C8orf34: variants seen among roughly 807,000 people sequenced by gnomAD.
C8orf34 encodes uncharacterized protein C8orf34.
Under a neutral mutation model 68.3 loss-of-function variants are expected in C8orf34, and 65 were observed. The ratio of observed to expected loss-of-function variants is 0.95; its 90% confidence interval spans 0.78 to 1.17. The LOEUF (loss-of-function observed/expected upper bound fraction) is 1.17. Among genes scored for constraint, C8orf34 ranks in the 50% most tolerant of loss-of-function variants. The pLI is 0.00. For synonymous variants in C8orf34, 244 were observed against 241.2 expected (o/e 1.01, Z -0.11); for missense variants, 664 against 655.4 (o/e 1.01, Z -0.14).
At chr8:68,747,926 A>G (rs1822560652) in intron 10 of C8orf34, among the ~76,000 whole-genome samples, 1 of 152,160 alleles carries the variant, frequency 6.6e-6, no homozygotes. Context: ...CCGCATCGCC[A>G]AGTCAATCCT....
At chr8:68,386,206 C>G (rs901896524) in intron 1 of C8orf34, among the ~76,000 whole-genome samples, 2 of 152,106 alleles carry the variant, frequency 1.3e-5, no homozygotes, top group African/African-American at 4.8e-5. Context: ...CCATACCCGG[C>G]CTATTTATTT....
intron 8 of C8orf34, among the ~76,000 whole-genome samples, chr8:68,645,521 G>A (rs1563582610): frequency 6.6e-6 from 1 of 152,092 alleles, no homozygotes; most frequent in South Asian, 2.1e-4. Flanking sequence ...GGATTTCTGT[G>A]TTCAGTGAAA....
intron 8 of C8orf34, among the ~76,000 whole-genome samples, chr8:68,642,787 G>C (rs1290723419): frequency 6.6e-6 from 1 of 152,160 alleles, no homozygotes; most frequent in Non-Finnish European, 1.5e-5. Flanking sequence ...TTTGGCACCA[G>C]GGACTGGTTT....
intron 5 of C8orf34, among the ~76,000 whole-genome samples, chr8:68,515,640 A>G (rs2129633683): frequency 6.6e-6 from 1 of 152,306 alleles, no homozygotes; most frequent in South Asian, 2.1e-4. Context: ...AAATAAAAGC[A>G]ATTTTCTCCT....
At chr8:68,777,161 G>A (rs34283177) in intron 11 of C8orf34, among the ~76,000 whole-genome samples, 38,998 of 152,128 alleles carry the variant, frequency 0.26, 5,209 homozygotes, top group Middle Eastern at 0.39. Context: ...CGCCTAAAAG[G>A]ATTTTGTGGT....
chr8:68,503,767 A>G (rs376145233), intron 5 of C8orf34, among the ~76,000 whole-genome samples: 1 of 151,590 alleles, frequency 6.6e-6, no homozygotes, highest in Non-Finnish European at 1.5e-5. Context: ...CTAGTACTTC[A>G]TAGACATGGA....
chr8:68,789,525 C>A (rs1461923531), intron 12 of C8orf34, among the ~76,000 whole-genome samples: 1 of 152,078 alleles, frequency 6.6e-6, no homozygotes, highest in African/African-American at 2.4e-5. Context: ...TTTCTTCAAC[C>A]CTTGTCACCT....
chr8:68,330,893 C>G, upstream of C8orf34: 1 of 853,414 alleles, frequency 1.2e-6, no homozygotes, highest in Non-Finnish European at 1.7e-6. Flanking sequence ...GCTCGCCTCC[C>G]GCCCCCTGAT....
intron 3 of C8orf34, among the ~76,000 whole-genome samples, chr8:68,454,703 G>A (rs1377827296): frequency 6.6e-6 from 1 of 151,704 alleles, no homozygotes; most frequent in Non-Finnish European, 1.5e-5. Context: ...CCAACTTTTG[G>A]TTTTGCTGAT....
At chr8:68,603,657 A>G (rs2130513715) in intron 7 of C8orf34, among the ~76,000 whole-genome samples, 1 of 152,138 alleles carries the variant, frequency 6.6e-6, no homozygotes, top group East Asian at 1.9e-4. Context: ...AAGAAATCAT[A>G]CTGTATGGTT....
At chr8:68,727,831 T>G (rs965018646) in intron 10 of C8orf34, among the ~76,000 whole-genome samples, 30 of 152,172 alleles carry the variant, frequency 2.0e-4, no homozygotes, top group Admixed American at 4.6e-4. Context: ...GCACACAGCA[T>G]AGGGACCCTA....
At chr8:68,424,701 A>C (rs2591022) in intron 1 of C8orf34, among the ~76,000 whole-genome samples, 31,355 of 151,974 alleles carry the variant, frequency 0.21, 4,363 homozygotes, top group African/African-American at 0.4. Context: ...GAGATCTGGA[A>C]CATCCTGGCT....
upstream of C8orf34, chr8:68,330,953 C>T: frequency 7.9e-7 from 1 of 1,265,922 alleles, no homozygotes; most frequent in African/African-American, 1.6e-5. Context: ...TCGAATTTCC[C>T]CACTGCGCCG....
In C8orf34 at chr8:68,815,965, T is replaced by A; in HGVS notation, c.1609+20T>A. 2 of 1,613,636 alleles carry A rather than the reference T, an allele frequency of 1.2e-6. No individual in the cohort carries two copies. The highest frequency in any genetic ancestry group is 1.7e-6 in the Non-Finnish European group (2 of 1,179,630). On this transcript the variant is annotated intron_variant, in intron 13 of 13. Coordinates refer to ENST00000518698, the MANE Select transcript of C8orf34 (RefSeq NM_052958.4). ...ACTCTGGTATGTTTGCTCAGGGCAC[T>A]TAATATCGATGTCGGGTAATGGCGG...
At chr8:68,403,512 C>A (rs1265258986) in intron 1 of C8orf34, among the ~76,000 whole-genome samples, 1 of 152,092 alleles carries the variant, frequency 6.6e-6, no homozygotes, top group Admixed American at 6.6e-5. Context: ...TTAGGTATTT[C>A]TCCTAATGCT....
chr8:68,739,413 G>GACAAAA (rs1822216922), intron 10 of C8orf34, among the ~76,000 whole-genome samples: 1 of 151,788 alleles, frequency 6.6e-6, no homozygotes, highest in African/African-American at 2.4e-5. Context: ...CAAAATCAAT[G>GACAAAA]TACAAAAGTC....
chr8:68,729,828 C>T (rs1485954181), intron 10 of C8orf34, among the ~76,000 whole-genome samples: 1 of 152,086 alleles, frequency 6.6e-6, no homozygotes, highest in Non-Finnish European at 1.5e-5. Flanking sequence ...TACACGCAAC[C>T]CTGCCCACAG....
intron 7 of C8orf34, among the ~76,000 whole-genome samples, chr8:68,630,553 T>C (rs1221162972): frequency 1.3e-5 from 2 of 152,118 alleles, no homozygotes; most frequent in Admixed American, 1.3e-4. Flanking sequence ...AATTTTATAG[T>C]CTTAAGTACA....
chr8:68,744,742 C>T (rs1357824755), intron 10 of C8orf34, among the ~76,000 whole-genome samples: 1 of 152,074 alleles, frequency 6.6e-6, no homozygotes, highest in East Asian at 1.9e-4. Flanking sequence ...TGTGAAAAGA[C>T]CAAATCTATG....
Sources: gnomAD v4.1 joint callset for allele counts (sites outside exome capture counted in the v4.1 genomes callset) on GRCh38, gnomAD v4.1.1 for gene constraint, MANE v1.5 for transcripts, NCBI Gene and HGNC (gene_info 2026-07-23, HGNC 2026-07-21) for gene names.